MBOAT1: variants seen among roughly 807,000 people sequenced by gnomAD.
The protein encoded by MBOAT1 is membrane bound glycerophospholipid O-acyltransferase 1, also known as membrane-bound glycerophospholipid O-acyltransferase 1.
In MBOAT1, 67 loss-of-function variants were observed where a neutral mutation model predicts 64.4. The observed-to-expected ratio is 1.04, with a 90% CI of 0.85 to 1.27. MBOAT1 has a LOEUF of 1.27. MBOAT1 is among the 50% of genes most tolerant of loss of function. The pLI is 0.00. For missense variants in MBOAT1, 563 were observed against 604.6 expected (o/e 0.93, Z 0.72); for synonymous variants, 229 against 218.9 (o/e 1.05, Z -0.41).
intron 1 of MBOAT1, among the ~76,000 whole-genome samples, chr6:20,164,646 T>C (rs2876531): frequency 2.3e-5 from 3 of 130,788 alleles, no homozygotes; most frequent in African/African-American, 9.0e-5. Flanking sequence ...TTTAAAAAAA[T>C]TTTTTTTAAG....
intron 1 of MBOAT1, among the ~76,000 whole-genome samples, chr6:20,187,103 C>A (rs1762676209): frequency 6.6e-6 from 1 of 152,230 alleles, no homozygotes; most frequent in South Asian, 2.1e-4. Context: ...AGACAGGATT[C>A]CTAAACTGCC....
At position 20,149,283 on chromosome 6, in the gene MBOAT1, AAC is replaced by A. The variant is rs1254975179; in HGVS notation, c.323+1900_323+1901del. Among the ~76,000 whole-genome samples the A allele has an allele frequency of 3.3e-5, 5 of 152,162 alleles. No homozygotes were observed. In the East Asian group the frequency reaches 9.7e-4, roughly 30 times the overall value. ...ATTCCATTCCTAGACACTGGAATTG[AAC>A]ACAGTGAACCTAGGCCTGATATGAA... On this transcript the variant is annotated intron_variant, in intron 3 of 12. Transcript: ENST00000324607.
At chr6:20,148,676 G>A (rs953017130) in intron 3 of MBOAT1, among the ~76,000 whole-genome samples, 3 of 152,172 alleles carry the variant, frequency 2.0e-5, no homozygotes, top group Non-Finnish European at 2.9e-5. Context: ...TTGATTTCCT[G>A]ACTCCAGCCT....
At chr6:20,194,978 A>T (rs1228647181) in intron 1 of MBOAT1, among the ~76,000 whole-genome samples, 1 of 150,816 alleles carries the variant, frequency 6.6e-6, no homozygotes, top group African/African-American at 2.4e-5. Flanking sequence ...TTTAGACAGG[A>T]TCTAGCTCTG....
At chr6:20,182,958 C>T (rs1762551765) in intron 1 of MBOAT1, among the ~76,000 whole-genome samples, 1 of 152,168 alleles carries the variant, frequency 6.6e-6, no homozygotes, top group Non-Finnish European at 1.5e-5. Context: ...ACAGATAGAA[C>T]AGTTTCAGAA....
chr6:20,159,404 T>A (rs1258238921), intron 1 of MBOAT1, among the ~76,000 whole-genome samples: 1 of 152,138 alleles, frequency 6.6e-6, no homozygotes, highest in Non-Finnish European at 1.5e-5. Flanking sequence ...GATGAATGGA[T>A]TTTTAAAATG....
chr6:20,136,984 C>T lies in MBOAT1; in HGVS notation c.420-5785G>A, dbSNP rs577671153. Among the ~76,000 whole-genome samples, 5 of 152,206 alleles carry T rather than the reference C, an allele frequency of 3.3e-5. No individual in the cohort carries two copies. The South Asian group carries it at 8.3e-4, about 25-fold the overall frequency. The stretch of plus-strand genomic sequence containing the variant: ...CATTTTCAATGGAGGCATAGTAGCA[C>T]CATAATTTAATCATTCATCTCTTTT... On this transcript the variant is annotated intron_variant, in intron 4 of 12. Transcript: ENST00000324607.
At position 20,100,857 on chromosome 6, in the gene MBOAT1, A is replaced by T; in HGVS notation, c.*1429T>A. 6.6e-6 allele frequency among the ~76,000 whole-genome samples: 1 copy of T among 152,148 alleles called. No individual in the cohort carries two copies. The highest frequency in any genetic ancestry group is 2.1e-4 in the South Asian group (1 of 4,830). On this transcript the variant is annotated 3_prime_UTR_variant, in exon 13 of 13. Coordinates refer to ENST00000324607, the MANE Select transcript of MBOAT1 (RefSeq NM_001080480.3). Reference sequence around the variant, plus strand: ...TATCATCATTATTATTTTCCACAACATTTAATACCAAGTTTCCTTCTCTCA... The same window carrying T: ...TATCATCATTATTATTTTCCACAACTTTTAATACCAAGTTTCCTTCTCTCA...
intron 1 of MBOAT1, among the ~76,000 whole-genome samples, chr6:20,184,880 AGTGTGTGTGTGTGT>A (rs58865791): frequency 1.1e-3 from 158 of 142,976 alleles, no homozygotes; most frequent in African/African-American, 3.9e-3. Context: ...TTATAACTGC[AGTGTGTGTGTGTGT>A]GTGTGTGTGT....
intron 1 of MBOAT1, among the ~76,000 whole-genome samples, chr6:20,185,553 C>A (rs1581453908): frequency 6.6e-6 from 1 of 152,280 alleles, no homozygotes; most frequent in East Asian, 1.9e-4. Context: ...TCCTGGATCT[C>A]CAGATTTTAG....
At chr6:20,134,189 CCAAA>C (rs760548871) in intron 4 of MBOAT1, among the ~76,000 whole-genome samples, 27 of 152,178 alleles carry the variant, frequency 1.8e-4, no homozygotes, top group Non-Finnish European at 3.7e-4. Context: ...AGGCATTTCA[CCAAA>C]CAAATCTCTT....
At chr6:20,104,182 A>G (rs998057391) in intron 12 of MBOAT1, among the ~76,000 whole-genome samples, 27 of 152,202 alleles carry the variant, frequency 1.8e-4, no homozygotes, top group Non-Finnish European at 3.8e-4. Flanking sequence ...TGACTATACT[A>G]TCTAGTTTGT....
intron 7 of MBOAT1, 114 bp from the exon 8 acceptor site, chr6:20,124,714 C>G: frequency 3.4e-6 from 3 of 887,384 alleles, no homozygotes; most frequent in Non-Finnish European, 5.2e-6. Context: ...TGGCATTATT[C>G]CCCAGAAGGA....
intron 1 of MBOAT1, among the ~76,000 whole-genome samples, chr6:20,174,883 T>C (rs1762297175): frequency 1.3e-5 from 2 of 152,238 alleles, no homozygotes; most frequent in Admixed American, 1.3e-4. Context: ...AAGTTAGTTA[T>C]GACTTCTTAA....
intron 8 of MBOAT1, among the ~76,000 whole-genome samples, chr6:20,122,097 G>A (rs781581377): frequency 2.0e-5 from 3 of 152,122 alleles, no homozygotes; most frequent in Admixed American, 6.5e-5. Context: ...CCAGGGAGGT[G>A]GAGGTTGCAG....
intron 1 of MBOAT1, among the ~76,000 whole-genome samples, chr6:20,190,830 A>G (rs1484881249): frequency 1.3e-5 from 2 of 152,194 alleles, no homozygotes; most frequent in Admixed American, 6.5e-5. Context: ...GTCAATGGCA[A>G]TCATCACCAG....
intron 4 of MBOAT1, among the ~76,000 whole-genome samples, chr6:20,141,456 C>G (rs1324408796): frequency 6.7e-6 from 1 of 148,638 alleles, no homozygotes; most frequent in Non-Finnish European, 1.5e-5. Flanking sequence ...CAGTCTCAGG[C>G]TCAAGAGATT....
chr6:20,168,240 T>C (rs1581439121), intron 1 of MBOAT1, among the ~76,000 whole-genome samples: 2 of 152,198 alleles, frequency 1.3e-5, no homozygotes, highest in Middle Eastern at 3.4e-3. Context: ...AATCAAAAAA[T>C]ATAAACCCAA....
At chr6:20,156,343 G>A (rs1156728124) in intron 1 of MBOAT1, among the ~76,000 whole-genome samples, 1 of 151,996 alleles carries the variant, frequency 6.6e-6, no homozygotes, top group Non-Finnish European at 1.5e-5. Context: ...GACTGTTCAT[G>A]GTAAATGCCT....
Sources: allele counts gnomAD v4.1 joint callset (sites outside exome capture counted in the v4.1 genomes callset), GRCh38; gene constraint gnomAD v4.1.1; transcripts MANE v1.5; gene names NCBI Gene and HGNC (gene_info 2026-07-23, HGNC 2026-07-21).